The following FBXL7 variants were observed in gnomAD, a reference collection of about 807,000 sequenced individuals.
FBXL7 encodes the protein F-box and leucine rich repeat protein 7, also known as F-box/LRR-repeat protein 7.
A neutral mutation model predicts 38.3 loss-of-function variants in FBXL7; 12 were observed. The observed-to-expected ratio is 0.31, with a 90% CI of 0.20 to 0.51. The LOEUF is 0.51. FBXL7 is among the 20% of genes least tolerant of loss of function. The probability of loss-of-function intolerance (pLI) is 0.98; values close to 1 mark genes in which losing one functional copy is unlikely to be tolerated. For synonymous variants in FBXL7, 297 were observed against 300.9 expected (o/e 0.99, Z 0.13); for missense variants, 567 against 676.4 (o/e 0.84, Z 1.79).
chr5:15,811,696 G>A (rs793424), intron 2 of FBXL7, among the ~76,000 whole-genome samples: 9 of 151,870 alleles, frequency 5.9e-5, no homozygotes, highest in East Asian at 5.8e-4. Context: ...CAGACACTTC[G>A]CAAAAGAAGA....
intron 2 of FBXL7, among the ~76,000 whole-genome samples, chr5:15,692,137 G>A (rs1324027231): frequency 6.6e-6 from 1 of 152,018 alleles, no homozygotes; most frequent in Non-Finnish European, 1.5e-5. Flanking sequence ...TGGAATCCGG[G>A]GTCACTTCTC....
At chr5:15,803,590 C>G (rs1262487196) in intron 2 of FBXL7, among the ~76,000 whole-genome samples, 1 of 150,318 alleles carries the variant, frequency 6.7e-6, no homozygotes, top group African/African-American at 2.4e-5. Flanking sequence ...TTCCCTATCT[C>G]TCTTTCTCTC....
chr5:15,741,468 A>T (rs1735892099), intron 2 of FBXL7, among the ~76,000 whole-genome samples: 1 of 152,168 alleles, frequency 6.6e-6, no homozygotes, highest in East Asian at 1.9e-4. Flanking sequence ...TTGTGGATTG[A>T]TGGTCAGGAT....
intron 2 of FBXL7, among the ~76,000 whole-genome samples, chr5:15,623,595 G>A (rs1740720319): frequency 6.6e-6 from 1 of 152,120 alleles, no homozygotes; most frequent in Non-Finnish European, 1.5e-5. Context: ...TCGTTCTGTT[G>A]TCCTTATATC....
At chr5:15,769,430 C>T (rs187922454) in intron 2 of FBXL7, among the ~76,000 whole-genome samples, 33 of 152,252 alleles carry the variant, frequency 2.2e-4, no homozygotes, top group African/African-American at 5.8e-4. Flanking sequence ...CTAATCCATG[C>T]GCTACTCATC....
At position 15,500,672 on chromosome 5, in the gene FBXL7, AC is replaced by A; in HGVS notation, c.-4del. 8 of 1,612,998 alleles carry A rather than the reference AC, an allele frequency of 5.0e-6. No individual in the cohort carries two copies. The highest frequency in any genetic ancestry group is 6.8e-6 in the Non-Finnish European group (8 of 1,179,322). ...CCGGGAGACGGCGGGCATGACGGCTACAGGATGGGCGCGAACAATGGCAAAC... is the reference window on the plus strand; with the variant it reads ...CCGGGAGACGGCGGGCATGACGGCTAAGGATGGGCGCGAACAATGGCAAAC... On this transcript the variant is annotated 5_prime_UTR_variant, in exon 1 of 4. Coordinates refer to ENST00000504595, the MANE Select transcript of FBXL7 (RefSeq NM_012304.5).
chr5:15,668,376 G>A (rs1241337426), intron 2 of FBXL7, among the ~76,000 whole-genome samples: 1 of 45,388 alleles, frequency 2.2e-5, no homozygotes, highest in Admixed American at 1.9e-4. Flanking sequence ...GTTTGTGTGT[G>A]TGTGTGTGTG....
At chr5:15,806,449 C>A (rs73054436) in intron 2 of FBXL7, among the ~76,000 whole-genome samples, 5,701 of 152,024 alleles carry the variant, frequency 0.038, 372 homozygotes, top group African/African-American at 0.13. Context: ...TCAATAACCT[C>A]AAAATAAATT....
At chr5:15,666,667 A>G (rs563325426) in intron 2 of FBXL7, among the ~76,000 whole-genome samples, 2 of 152,314 alleles carry the variant, frequency 1.3e-5, no homozygotes, top group East Asian at 3.9e-4. Context: ...TAAACGTTCT[A>G]TTGGTACTCC....
At position 15,936,311 on chromosome 5, in the gene FBXL7, A is replaced by G; in HGVS notation, c.740-139A>G. The G allele has an allele frequency of 8.3e-6, 8 of 964,718 alleles. No individual in the cohort carries two copies. Among genetic ancestry groups the G allele is most frequent in the South Asian group, 1.7e-5 (1 of 58,146 alleles). The allele number at this position is 964,718 out of a possible 1,614,324, so 59.8% of individuals were successfully genotyped here. A position where few individuals can be genotyped will look rare whatever the true frequency, so the allele number is the denominator to read the frequency against. ...GAACCCATTCTTGCATTTCCTCTCT[A>G]TAGAGACCAAGACAGGAAAGGGTAA... is the stretch of plus-strand genomic sequence containing the variant. On this transcript the variant is annotated intron_variant, in intron 3 of 3. Transcript: ENST00000504595. The surrounding 1 kb of genome is among the most constrained non-coding windows in gnomAD (Gnocchi z 6.0).
chr5:15,519,515 C>G (rs1737041185), intron 1 of FBXL7, among the ~76,000 whole-genome samples: 1 of 152,012 alleles, frequency 6.6e-6, no homozygotes, highest in Admixed American at 6.5e-5. Flanking sequence ...AACTTCCTGT[C>G]TGTGGCTCAA....
chr5:15,671,526 A>G (rs770839749), intron 2 of FBXL7, among the ~76,000 whole-genome samples: 9 of 152,202 alleles, frequency 5.9e-5, no homozygotes, highest in Non-Finnish European at 1.3e-4. Context: ...ACTCATGATT[A>G]ATAATCCCTA....
chr5:15,921,380 CAAAAA>C (rs56077834), intron 2 of FBXL7, among the ~76,000 whole-genome samples: 2 of 124,676 alleles, frequency 1.6e-5, no homozygotes, highest in African/African-American at 5.9e-5. Flanking sequence ...GACTCCATCT[CAAAAA>C]AAAAAAAAAA....
chr5:15,593,651 T>C (rs924080414), intron 1 of FBXL7, among the ~76,000 whole-genome samples: 1 of 152,176 alleles, frequency 6.6e-6, no homozygotes, highest in Non-Finnish European at 1.5e-5. Context: ...AGCTAAATAG[T>C]TTAAGAGATA....
intron 2 of FBXL7, among the ~76,000 whole-genome samples, chr5:15,722,914 T>G (rs1744239268): frequency 2.1e-5 from 1 of 47,492 alleles, no homozygotes. Context: ...AGAGCAAGAC[T>G]CCGTCTCAAA....
At chr5:15,569,866 G>C (rs942611336) in intron 1 of FBXL7, among the ~76,000 whole-genome samples, 13 of 152,286 alleles carry the variant, frequency 8.5e-5, no homozygotes, top group Non-Finnish European at 1.6e-4. Context: ...TTTTGTCGTT[G>C]GTTCTGTTTG....
At chr5:15,512,401 C>A (rs1736822782) in intron 1 of FBXL7, among the ~76,000 whole-genome samples, 2 of 152,098 alleles carry the variant, frequency 1.3e-5, no homozygotes, top group Non-Finnish European at 2.9e-5. Flanking sequence ...TGATTGTAAC[C>A]CTCCTCACAC....
chr5:15,749,628 A>G (rs1210114616), intron 2 of FBXL7, among the ~76,000 whole-genome samples: 2 of 151,676 alleles, frequency 1.3e-5, no homozygotes, highest in African/African-American at 2.4e-5. Flanking sequence ...CTCCGTCTCA[A>G]AAAAAAAAGA....
chr5:15,582,905 G>A (rs1346605867), intron 1 of FBXL7, among the ~76,000 whole-genome samples: 3 of 150,046 alleles, frequency 2.0e-5, no homozygotes, highest in African/African-American at 7.3e-5. Context: ...CAGAATATTG[G>A]TGACTCACCT....
Sources: allele counts gnomAD v4.1 joint callset (sites outside exome capture counted in the v4.1 genomes callset), GRCh38; gene constraint gnomAD v4.1.1; non-coding constraint Gnocchi (gnomAD v3.1); transcripts MANE v1.5; gene names NCBI Gene and HGNC (gene_info 2026-07-23, HGNC 2026-07-21).